The following AHCY variants were observed in gnomAD, a reference collection of about 807,000 sequenced individuals.
AHCY encodes the protein S-adenosyl-L-homocysteine hydrolase.
AHCY carries 24 observed loss-of-function variants against 45.4 expected under a neutral mutation model. The observed-to-expected ratio is 0.53, with a 90% CI of 0.38 to 0.74. The LOEUF (loss-of-function observed/expected upper bound fraction) is 0.74, where lower values mean the gene tolerates loss of function less well. AHCY is among the 30% of genes least tolerant of loss of function. The pLI is 0.00. For missense variants in AHCY, 449 were observed against 594.1 expected (o/e 0.76, Z 2.54); for synonymous variants, 245 against 235.1 (o/e 1.04, Z -0.39).
chr20:34,241,463 T>C, the AHCY span: 7 of 985,458 alleles, frequency 7.1e-6, no homozygotes, highest in East Asian at 1.1e-4. Flanking sequence ...GGAAGTTCCT[T>C]GGCCTGGGCT....
At position 34,290,476 on chromosome 20, in the gene AHCY, G is replaced by T. The variant is rs760557481; in HGVS notation, c.855-27C>A. 18 of 1,613,736 alleles carry T rather than the reference G, an allele frequency of 1.1e-5. No individual in the cohort carries two copies. Among genetic ancestry groups the T allele is most frequent in the Non-Finnish European group, 1.4e-5 (16 of 1,179,736 alleles). ...TGTCAGGCAGCCCAAGACCGTGGGA[G>T]ATTGTCAGGGACAGAAAGCTGTCCC... On this transcript the variant is annotated intron_variant, in intron 7 of 9. Coordinates refer to ENST00000217426, the MANE Select transcript of AHCY (RefSeq NM_000687.4). The surrounding 1 kb of genome is among the most constrained non-coding windows in gnomAD (Gnocchi z 4.5).
the AHCY span, among the ~76,000 whole-genome samples, chr20:34,253,072 T>A: frequency 6.6e-6 from 1 of 152,188 alleles, no homozygotes; most frequent in Non-Finnish European, 1.5e-5. Context: ...CTTCCTTTTC[T>A]ACATAGACAC....
chr20:34,297,286 T>G (rs1289554075), intron 1 of AHCY, among the ~76,000 whole-genome samples: 1 of 151,938 alleles, frequency 6.6e-6, no homozygotes, highest in African/African-American at 2.4e-5. Flanking sequence ...TCATATTTAA[T>G]TAATTAATTA....
chr20:34,269,972 A>C, the AHCY span, among the ~76,000 whole-genome samples: 1 of 145,702 alleles, frequency 6.9e-6, no homozygotes, highest in Non-Finnish European at 1.5e-5. Flanking sequence ...AAAAAAAAAA[A>C]AAAAAAACAA....
downstream of AHCY, among the ~76,000 whole-genome samples, chr20:34,279,109 C>CAAAA (rs11467322): frequency 3.6e-5 from 2 of 55,630 alleles, no homozygotes; most frequent in Non-Finnish European, 6.2e-5. Context: ...GACTCCGTCT[C>CAAAA]AAAAAAAAAA....
At chr20:34,270,557 G>A in the AHCY span, among the ~76,000 whole-genome samples, 4 of 152,358 alleles carry the variant, frequency 2.6e-5, no homozygotes, top group East Asian at 7.7e-4. Flanking sequence ...AGGCCAGGAT[G>A]CAAAGCTAAA....
At chr20:34,270,059 A>T in the AHCY span, among the ~76,000 whole-genome samples, 4 of 150,414 alleles carry the variant, frequency 2.7e-5, no homozygotes, top group Admixed American at 1.3e-4. Context: ...ACATAGTGAG[A>T]GACTCCCCGC....
intron 8 of AHCY, among the ~76,000 whole-genome samples, chr20:34,286,834 CAAAAAA>C (rs71194603): frequency 1.9e-5 from 1 of 53,732 alleles, no homozygotes; most frequent in Non-Finnish European, 3.6e-5. Context: ...AACTCCGTCT[CAAAAAA>C]AAAAAAAAAA....
the AHCY span, among the ~76,000 whole-genome samples, chr20:34,245,377 A>C: frequency 1.3e-5 from 2 of 150,138 alleles, no homozygotes; most frequent in African/African-American, 4.9e-5. Context: ...GAAAGTCAGT[A>C]CCAAATGACC....
At chr20:34,278,532 G>A (rs2035931027), downstream of AHCY, among the ~76,000 whole-genome samples, 2 of 152,144 alleles carry the variant, frequency 1.3e-5, no homozygotes, top group South Asian at 4.1e-4. Flanking sequence ...AAGAACTGAG[G>A]CAGGGCTCTG....
At chr20:34,258,857 T>C in the AHCY span, among the ~76,000 whole-genome samples, 1 of 125,054 alleles carries the variant, frequency 8.0e-6, no homozygotes, top group African/African-American at 2.9e-5. Flanking sequence ...ATATATAATA[T>C]ATGATATATA....
rs748590825 is a variant in AHCY, at chr20:34,303,288, T to C, written c.-18A>G. ...TCAGACATGCTGGCGGCACTCGTGA[T>C]GGAAACGGGCGAAGGGGGCTGGGCC... On this transcript the variant is annotated 5_prime_UTR_variant, in exon 1 of 10. Coordinates refer to ENST00000217426, the MANE Select transcript of AHCY (RefSeq NM_000687.4). The C allele has an allele frequency of 1.8e-5, 28 of 1,551,740 alleles. No individual in the cohort carries two copies. Among genetic ancestry groups the C allele is most frequent in the East Asian group, 2.4e-5 (1 of 40,920 alleles).
At chr20:34,269,965 A>AC in the AHCY span, among the ~76,000 whole-genome samples, 1 of 148,688 alleles carries the variant, frequency 6.7e-6, no homozygotes, top group Non-Finnish European at 1.5e-5. Flanking sequence ...AAAAAAAAAA[A>AC]AAAAAAAAAA....
At chr20:34,243,402 G>A in the AHCY span, among the ~76,000 whole-genome samples, 29 of 152,314 alleles carry the variant, frequency 1.9e-4, no homozygotes, top group Middle Eastern at 6.8e-3. Flanking sequence ...AAATCGGTAC[G>A]TGTATGTAGA....
the AHCY span, among the ~76,000 whole-genome samples, chr20:34,258,072 A>T: frequency 6.6e-6 from 1 of 152,000 alleles, no homozygotes; most frequent in South Asian, 2.1e-4. Flanking sequence ...TGAATCCGGG[A>T]GGCAGAGGTT....
At chr20:34,304,446 TAAATGCTATGC>T (rs1349139241), upstream of AHCY, among the ~76,000 whole-genome samples, 2 of 152,240 alleles carry the variant, frequency 1.3e-5, no homozygotes, top group Non-Finnish European at 2.9e-5. Context: ...TAATATAATG[TAAATGCTATGC>T]AAATGGTTGT....
intron 8 of AHCY, among the ~76,000 whole-genome samples, chr20:34,288,954 T>C (rs1324747957): frequency 6.6e-6 from 1 of 152,228 alleles, no homozygotes; most frequent in African/African-American, 2.4e-5. Flanking sequence ...GCTCAGTGCA[T>C]GGGCCTGCTC....
the AHCY span, among the ~76,000 whole-genome samples, chr20:34,270,353 C>A: frequency 3.8e-4 from 58 of 152,238 alleles, no homozygotes; most frequent in Admixed American, 6.5e-4. Context: ...ACACACACAC[C>A]CCCACACAGG....
chr20:34,276,479 G>T (rs751422966), downstream of AHCY, among the ~76,000 whole-genome samples: 2 of 152,082 alleles, frequency 1.3e-5, no homozygotes, highest in African/African-American at 4.8e-5. Flanking sequence ...TCTCTCCCTG[G>T]TAATAGGGCA....
Sources: gnomAD v4.1 joint callset for allele counts (sites outside exome capture counted in the v4.1 genomes callset) on GRCh38, gnomAD v4.1.1 for gene constraint, Gnocchi (gnomAD v3.1) non-coding constraint, MANE v1.5 for transcripts, NCBI Gene and HGNC (gene_info 2026-07-23, HGNC 2026-07-21) for gene names.